FHIT: variants seen among roughly 807,000 people sequenced by gnomAD.
FHIT encodes bis(5'-adenosyl)-triphosphatase.
Under a neutral mutation model 17.9 loss-of-function variants are expected in FHIT, and 19 were observed. The observed-to-expected ratio is 1.06, with a 90% CI of 0.74 to 1.56. FHIT has a LOEUF of 1.56. FHIT is among the 40% of genes most tolerant of loss of function. FHIT has a pLI of 0.00. For missense variants in FHIT, 248 were observed against 189.2 expected (o/e 1.31, Z -1.82); for synonymous variants, 81 against 69.7 (o/e 1.16, Z -0.81).
chr3:60,511,065 G>T (rs767017940), intron 5 of FHIT, among the ~76,000 whole-genome samples: 80 of 152,242 alleles, frequency 5.3e-4, no homozygotes, highest in African/African-American at 1.9e-3. Flanking sequence ...ACAGCAGAGT[G>T]GTCAAGAATC....
intron 4 of FHIT, among the ~76,000 whole-genome samples, chr3:60,640,305 T>C (rs78375850): frequency 0.02 from 2,969 of 152,252 alleles, 90 homozygotes; most frequent in African/African-American, 0.061. Context: ...GCTTTTTTTT[T>C]CCTAAAAGAC....
At chr3:60,776,028 AT>A in intron 4 of FHIT, among the ~76,000 whole-genome samples, 1 of 151,816 alleles carries the variant, frequency 6.6e-6, no homozygotes, top group East Asian at 1.9e-4. Flanking sequence ...GTTAACTTAA[AT>A]TTTTTTTTCT....
intron 3 of FHIT, among the ~76,000 whole-genome samples, chr3:60,824,859 C>A (rs142787274): frequency 1.4e-4 from 21 of 152,278 alleles, no homozygotes; most frequent in African/African-American, 5.1e-4. Context: ...TGTGAGGCCA[C>A]CCCAGCTACA....
intron 5 of FHIT, among the ~76,000 whole-genome samples, chr3:60,363,748 TCCCTGGCCC>T (rs113191822): frequency 7.2e-5 from 11 of 152,210 alleles, no homozygotes; most frequent in East Asian, 1.9e-4. Context: ...CCAACAAGCT[TCCCTGGCCC>T]CCCTGGCCCC....
intron 4 of FHIT, among the ~76,000 whole-genome samples, chr3:60,565,549 A>G (rs911991315): frequency 1.3e-5 from 2 of 152,206 alleles, no homozygotes; most frequent in African/African-American, 4.8e-5. Context: ...CAAAAAAGGG[A>G]AATTAGTTAC....
intron 8 of FHIT, among the ~76,000 whole-genome samples, chr3:59,806,667 TATATGTGTATATATATGTATATA>T (rs1700212821): frequency 1.3e-4 from 1 of 7,848 alleles, no homozygotes; most frequent in Admixed American, 1.8e-3. Context: ...TGTATACATA[TATATGTGTATATATATGTATATA>T]CATATGTATA....
At chr3:60,732,749 CAA>C in intron 4 of FHIT, 3 of 274,504 alleles carry the variant, frequency 1.1e-5, no homozygotes, top group Non-Finnish European at 2.1e-5. Context: ...TGCAGCGGCA[CAA>C]TCTCGGCTCA....
chr3:59,870,911 G>A (rs1702893761), intron 8 of FHIT, among the ~76,000 whole-genome samples: 1 of 151,012 alleles, frequency 6.6e-6, no homozygotes, highest in South Asian at 2.1e-4. Context: ...TCTATTTACG[G>A]CAGTCTGATT....
chr3:60,201,506 A>C (rs1702904301), intron 5 of FHIT, among the ~76,000 whole-genome samples: 1 of 152,116 alleles, frequency 6.6e-6, no homozygotes, highest in Non-Finnish European at 1.5e-5. Flanking sequence ...GTAGATAATC[A>C]GAAGAAAAGA....
At position 60,422,793 on chromosome 3, in the gene FHIT, A is replaced by G. The variant is rs1264238102; in HGVS notation, c.103+114067T>C. ...AATTCTATCACAAACTCCAAATATT[A>G]AAACTTTCTCATGGCTTTCCATCAT... On this transcript the variant is annotated intron_variant, in intron 5 of 9. Transcript: ENST00000492590. Among the ~76,000 whole-genome samples the G allele has an allele frequency of 2.0e-5, 3 of 152,226 alleles. No homozygotes were observed. In the East Asian group the frequency reaches 5.8e-4, roughly 29 times the overall value.
chr3:60,013,921 C>G, intron 6 of FHIT, 86 bp downstream of exon 6: 1 of 1,374,344 alleles, frequency 7.3e-7, no homozygotes, highest in Non-Finnish European at 1.0e-6. Context: ...CACATCTGCC[C>G]TCCTGGTAAG....
intron 5 of FHIT, among the ~76,000 whole-genome samples, chr3:60,038,301 G>A (rs1701304757): frequency 6.6e-6 from 1 of 152,130 alleles, no homozygotes; most frequent in East Asian, 1.9e-4. Flanking sequence ...GGAATAAAAT[G>A]TGACTATTTA....
At chr3:61,219,011 C>G (rs1239519549) in intron 1 of FHIT, among the ~76,000 whole-genome samples, 1 of 152,088 alleles carries the variant, frequency 6.6e-6, no homozygotes, top group Non-Finnish European at 1.5e-5. Flanking sequence ...TTACACAAAC[C>G]TAGAAAGTGT....
chr3:60,219,247 A>G (rs977339370), intron 5 of FHIT, among the ~76,000 whole-genome samples: 1 of 152,078 alleles, frequency 6.6e-6, no homozygotes, highest in Non-Finnish European at 1.5e-5. Flanking sequence ...TTCTGTGGAC[A>G]TTCAACATGA....
At position 60,307,702 on chromosome 3, in the gene FHIT, C is replaced by T. The variant is rs573601492; in HGVS notation, c.103+229158G>A. 2.6e-5 allele frequency among the ~76,000 whole-genome samples: 4 copies of T among 152,202 alleles called. No individual in the cohort carries two copies. In the East Asian group the frequency reaches 5.8e-4, roughly 22 times the overall value. On this transcript the variant is annotated intron_variant, in intron 5 of 9. Coordinates refer to ENST00000492590, the MANE Select transcript of FHIT (RefSeq NM_002012.4). ...AGGTATTTTCTCAAATACTAAGAGA[C>T]CAGTCTATTCCTGGGGTCAGCTGAA...
intron 8 of FHIT, among the ~76,000 whole-genome samples, chr3:59,917,695 G>A (rs886468364): frequency 8.5e-5 from 13 of 152,328 alleles, no homozygotes; most frequent in South Asian, 6.2e-4. Context: ...TTGGAAGGGG[G>A]AGAGTTTGAG....
intron 3 of FHIT, among the ~76,000 whole-genome samples, chr3:60,848,510 C>G (rs1474455309): frequency 1.3e-5 from 2 of 152,088 alleles, no homozygotes; most frequent in African/African-American, 4.8e-5. Flanking sequence ...ACCCTTCAAC[C>G]CCTGAAGATT....
chr3:60,751,769 T>C lies in FHIT; in HGVS notation c.-18+70150A>G, dbSNP rs190052507. ...TGAAAAAAAAATTCATTCGTAGGAT[T>C]ATATCCAAAGGAAACAACTTGTGAA... On this transcript the variant is annotated intron_variant, in intron 4 of 9. Coordinates refer to ENST00000492590, the MANE Select transcript of FHIT (RefSeq NM_002012.4). 1.6e-3 allele frequency among the ~76,000 whole-genome samples: 247 copies of C among 152,254 alleles called. 1 individual carries two copies. The highest frequency in any genetic ancestry group is 5.6e-3 in the African/African-American group (232 of 41,546).
intron 4 of FHIT, among the ~76,000 whole-genome samples, chr3:60,782,235 G>GTATATATATATATATATATA (rs879948599): frequency 8.0e-3 from 605 of 75,928 alleles, no homozygotes; most frequent in Middle Eastern, 0.015. Flanking sequence ...GTGTGTGTGT[G>GTATATATATATATATATATA]TGTATATATA....
Sources: gnomAD v4.1 joint callset for allele counts (sites outside exome capture counted in the v4.1 genomes callset) on GRCh38, gnomAD v4.1.1 for gene constraint, MANE v1.5 for transcripts, NCBI Gene and HGNC (gene_info 2026-07-23, HGNC 2026-07-21) for gene names.